The following WWOX variants were observed in gnomAD, a reference collection of about 807,000 sequenced individuals.
The protein encoded by WWOX is WW domain containing oxidoreductase.
WWOX carries 69 observed loss-of-function variants against 46.2 expected under a neutral mutation model. The observed-to-expected ratio is 1.49, with a 90% CI of 1.23 to 1.82. The LOEUF (loss-of-function observed/expected upper bound fraction) is 1.82, where lower values mean the gene tolerates loss of function less well. Ranked by LOEUF, WWOX falls within the 40% of genes most tolerant of loss-of-function variation. The probability of loss-of-function intolerance (pLI) is 0.00; values close to 1 mark genes in which losing one functional copy is unlikely to be tolerated. For synonymous variants in WWOX, 359 were observed against 202.6 expected (o/e 1.77, Z -6.56); for missense variants, 919 against 542.6 (o/e 1.69, Z -6.89).
chr16:78,390,220 T>A (rs1461087944), intron 6 of WWOX, among the ~76,000 whole-genome samples: 1 of 152,242 alleles, frequency 6.6e-6, no homozygotes, highest in Admixed American at 6.5e-5. Flanking sequence ...GTCCAGTTCC[T>A]CTGTCAGAAT....
intron 8 of WWOX, among the ~76,000 whole-genome samples, chr16:78,667,530 G>A (rs191072726): frequency 0.01 from 1,545 of 152,030 alleles, 16 homozygotes; most frequent in South Asian, 0.037. Flanking sequence ...AATTAGCCAG[G>A]CGTGGTGGCA....
chr16:78,902,826 C>A (rs557741952), intron 8 of WWOX, among the ~76,000 whole-genome samples: 1 of 152,248 alleles, frequency 6.6e-6, no homozygotes, highest in East Asian at 1.9e-4. Flanking sequence ...CCTTAGTGGG[C>A]CTGGTTTTTG....
At chr16:78,747,343 G>A (rs748477939) in intron 8 of WWOX, among the ~76,000 whole-genome samples, 6 of 151,802 alleles carry the variant, frequency 4.0e-5, no homozygotes, top group African/African-American at 7.3e-5. Flanking sequence ...AGGCATCTGC[G>A]ACCACACCTG....
Position 78,509,391 on chromosome 16 carries a change from T to A in WWOX, c.1056+76639T>A, listed in dbSNP as rs1051234406. On this transcript the variant is annotated intron_variant, in intron 8 of 8. Transcript: ENST00000566780. ...GAGGCGGAGGCTGCAGTGAGCTGAG[T>A]TTGCACCACTGCATTCCAGCATTGG... Among the ~76,000 whole-genome samples, 4 of 151,728 alleles carry A rather than the reference T, an allele frequency of 2.6e-5. No homozygotes were observed. In the East Asian group the frequency reaches 7.8e-4, roughly 30 times the overall value.
chr16:79,211,532 C>G, intron 8 of WWOX, 76 bp from the exon 9 acceptor site: 5 of 1,589,048 alleles, frequency 3.1e-6, no homozygotes, highest in Non-Finnish European at 4.3e-6. Flanking sequence ...CTGCTAATGC[C>G]CAGGCAGTCG....
intron 8 of WWOX, among the ~76,000 whole-genome samples, chr16:78,452,596 C>T (rs946223841): frequency 1.3e-5 from 2 of 151,292 alleles, no homozygotes; most frequent in African/African-American, 4.9e-5. Flanking sequence ...TTGCCTCAGC[C>T]TCCCGAGTAG....
At chr16:78,419,334 C>G (rs375178763) in intron 6 of WWOX, among the ~76,000 whole-genome samples, 2 of 152,002 alleles carry the variant, frequency 1.3e-5, no homozygotes, top group African/African-American at 2.4e-5. Context: ...ATAACCAAAA[C>G]AAGCTTGAAA....
chr16:78,964,991 T>A (rs4888891), intron 8 of WWOX, among the ~76,000 whole-genome samples: 1 of 152,144 alleles, frequency 6.6e-6, no homozygotes, highest in Admixed American at 6.5e-5. Flanking sequence ...TGGGAACCTC[T>A]GCCTAGTTTT....
At chr16:79,117,810 TC>T (rs2150669642) in intron 8 of WWOX, among the ~76,000 whole-genome samples, 3 of 152,336 alleles carry the variant, frequency 2.0e-5, no homozygotes, top group African/African-American at 7.2e-5. Flanking sequence ...TTCCAAGTTT[TC>T]TTCTGCAGCT....
intron 5 of WWOX, among the ~76,000 whole-genome samples, chr16:78,366,535 T>C (rs140457080): frequency 1.8e-3 from 274 of 152,322 alleles, no homozygotes; most frequent in African/African-American, 6.5e-3. Context: ...TACACTCTTA[T>C]TCTAAAATAG....
chr16:78,384,307 G>C lies in WWOX; in HGVS notation c.517-2553G>C, dbSNP rs79522408. ...AGTGTCATGCTCCAAGTAAAACGAG[G>C]CAGGGACCAGAGGACTTAGGATGAG... On this transcript the variant is annotated intron_variant, in intron 5 of 8. Coordinates refer to ENST00000566780, the MANE Select transcript of WWOX (RefSeq NM_016373.4). Among the ~76,000 whole-genome samples the C allele has an allele frequency of 9.9e-5, 15 of 152,236 alleles. No individual in the cohort carries two copies. The East Asian group carries it at 2.9e-3, about 29-fold the overall frequency.
intron 5 of WWOX, among the ~76,000 whole-genome samples, chr16:78,358,248 A>G (rs1050151005): frequency 6.6e-6 from 1 of 152,374 alleles, no homozygotes; most frequent in Admixed American, 6.5e-5. Context: ...TGTCATCAGT[A>G]AATTCATTCA....
Position 79,029,534 on chromosome 16 carries a change from G to T in WWOX, c.1057-182074G>T, listed in dbSNP as rs111515914. Among the ~76,000 whole-genome samples the T allele has an allele frequency of 7.3e-4, 111 of 152,264 alleles. 1 individual carries two copies. The highest frequency in any genetic ancestry group is 2.6e-3 in the African/African-American group (110 of 41,558). ...GAGGACTTTGGAAATGGAACAGGAT[G>T]CTCCTTTAAGTTAGGGTAAAATGAA... On this transcript the variant is annotated intron_variant, in intron 8 of 8. Coordinates refer to ENST00000566780, the MANE Select transcript of WWOX (RefSeq NM_016373.4).
intron 8 of WWOX, among the ~76,000 whole-genome samples, chr16:78,857,978 T>G (rs908513902): frequency 6.6e-6 from 1 of 152,198 alleles, no homozygotes; most frequent in South Asian, 2.1e-4. Context: ...AGCGTTATTT[T>G]GTGTGCATAC....
At chr16:78,332,674 C>A (rs986089283) in intron 5 of WWOX, among the ~76,000 whole-genome samples, 1 of 152,142 alleles carries the variant, frequency 6.6e-6, no homozygotes, top group Non-Finnish European at 1.5e-5. Context: ...ATATGATAAT[C>A]TGAGAGTTGC....
At chr16:78,454,672 A>T (rs1179008303) in intron 8 of WWOX, among the ~76,000 whole-genome samples, 6 of 151,448 alleles carry the variant, frequency 4.0e-5, no homozygotes, top group South Asian at 2.1e-4. Context: ...TACCTGGGGA[A>T]TTTTTTTTTG....
At chr16:78,679,328 A>G (rs1390606192) in intron 8 of WWOX, among the ~76,000 whole-genome samples, 2 of 152,164 alleles carry the variant, frequency 1.3e-5, no homozygotes, top group Non-Finnish European at 2.9e-5. Context: ...AGGCGGGTGG[A>G]TCACCTGAGG....
intron 8 of WWOX, among the ~76,000 whole-genome samples, chr16:78,502,424 A>G (rs994358518): frequency 2.0e-5 from 3 of 152,196 alleles, no homozygotes; most frequent in African/African-American, 7.2e-5. Flanking sequence ...CCTCATATAA[A>G]TAGAGTGATA....
chr16:78,178,699 A>G (rs1440735572), intron 5 of WWOX, among the ~76,000 whole-genome samples: 1 of 152,072 alleles, frequency 6.6e-6, no homozygotes, highest in Admixed American at 6.6e-5. Flanking sequence ...AACTGTGTCT[A>G]CTAAAAATAC....
Sources: allele counts gnomAD v4.1 joint callset (sites outside exome capture counted in the v4.1 genomes callset), GRCh38; gene constraint gnomAD v4.1.1; transcripts MANE v1.5; gene names NCBI Gene and HGNC (gene_info 2026-07-23, HGNC 2026-07-21).